The following TTI2 variants were observed in gnomAD, a reference collection of about 807,000 sequenced individuals.
TTI2 encodes the protein TELO2 interacting protein 2, also known as TELO2-interacting protein 2.
Under a neutral mutation model 44.9 loss-of-function variants are expected in TTI2, and 26 were observed. That is an observed-to-expected ratio of 0.58 (90% CI 0.42 to 0.80). TTI2 has a LOEUF of 0.80. Ranked by LOEUF, TTI2 falls within the 30% of genes least tolerant of loss-of-function variation. TTI2 has a pLI of 0.00. For synonymous variants in TTI2, 254 were observed against 250.9 expected, an observed-to-expected ratio of 1.01 and a Z score of -0.12; for missense variants, 582 against 611.6, an observed-to-expected ratio of 0.95 and a Z score of 0.51.
At chr8:33,504,029 T>C in intron 4 of TTI2, 94 bp from the exon 5 acceptor site, 1 of 1,295,452 alleles carries the variant, frequency 7.7e-7, no homozygotes, top group South Asian at 1.2e-5. Context: ...TCTACCGTCC[T>C]TAGGGTCCAT....
intron 2 of TTI2, 67 bp downstream of exon 2, chr8:33,511,900 A>C: frequency 6.6e-7 from 1 of 1,516,836 alleles, no homozygotes; most frequent in East Asian, 2.4e-5. Flanking sequence ...GAAAATAAAT[A>C]AATAATAAAA....
intron 2 of TTI2, among the ~76,000 whole-genome samples, chr8:33,510,444 T>C (rs1404942864): frequency 6.6e-6 from 1 of 152,150 alleles, no homozygotes; most frequent in East Asian, 1.9e-4. Context: ...TGGCACCATC[T>C]GGGTTCACTG....
intron 6 of TTI2, among the ~76,000 whole-genome samples, chr8:33,502,857 T>C (rs1296125810): frequency 6.8e-6 from 1 of 148,128 alleles, no homozygotes; most frequent in African/African-American, 2.5e-5. Flanking sequence ...AGGCTGGGCA[T>C]GGTGGCTCAC....
rs1809015030 is a variant in TTI2, at chr8:33,500,198, A to G, written c.1422+130T>C. 1.3e-5 allele frequency: 13 copies of G among 1,000,444 alleles called. No individual in the cohort carries two copies. In the South Asian group the frequency reaches 1.7e-4, roughly 13 times the overall value. The allele number at this position is 1,000,444 out of a possible 1,614,324, so 62.0% of individuals were successfully genotyped here. A position where few individuals can be genotyped will look rare whatever the true frequency, so the allele number is the denominator to read the frequency against. ...GCTCTTTTGAGGCTAGAGGGCTCAT[A>G]TGGAGATCTAAAACCCTCCATGTTC... On this transcript the variant is annotated intron_variant, in intron 7 of 7. Transcript: ENST00000431156.
At chr8:33,510,317 G>C (rs375001723) in intron 2 of TTI2, among the ~76,000 whole-genome samples, 13 of 152,116 alleles carry the variant, frequency 8.5e-5, no homozygotes, top group Non-Finnish European at 1.3e-4. Context: ...CCTGTTAATC[G>C]CTAATAAAGT....
intron 2 of TTI2, among the ~76,000 whole-genome samples, chr8:33,511,654 G>A (rs1351908388): frequency 6.6e-6 from 1 of 152,024 alleles, no homozygotes; most frequent in Non-Finnish European, 1.5e-5. Context: ...TTGGGAGCCC[G>A]AGGCGGGTGG....
intron 2 of TTI2, among the ~76,000 whole-genome samples, chr8:33,510,599 A>G (rs1809492233): frequency 6.6e-6 from 1 of 152,134 alleles, no homozygotes; most frequent in Admixed American, 6.6e-5. Flanking sequence ...CTGGTCCTGA[A>G]TTCCTGGCCT....
At chr8:33,502,395 A>G (rs987556592) in intron 6 of TTI2, among the ~76,000 whole-genome samples, 15 of 152,232 alleles carry the variant, frequency 9.9e-5, no homozygotes, top group African/African-American at 3.6e-4. Context: ...ATCTTCTAAT[A>G]TGCATTCTAA....
chr8:33,502,795 C>A (rs933014720), intron 6 of TTI2, among the ~76,000 whole-genome samples: 3 of 151,618 alleles, frequency 2.0e-5, no homozygotes, highest in African/African-American at 7.3e-5. Context: ...CATTGCACTC[C>A]GGCCTGGGTG....
In TTI2 at chr8:33,512,114, C is replaced by A. The variant is rs1809555232; in HGVS notation, c.500G>T (p.Arg167Ile). ...CACCTCCCTAGCAACTTCCCGAGAT[C>A]TCGGAGTGGTCCATGGTTGCTCCAA... is the stretch of plus-strand genomic sequence containing the variant. ...HSLEQPWTTP[R>I]SREVAREVLT... Residue 167 changes from arginine to isoleucine, a missense_variant, in exon 2 of 8, where the codon AGA becomes ATA. Transcript: ENST00000431156. 4 of 1,614,152 alleles carry A rather than the reference C, an allele frequency of 2.5e-6. No homozygotes were observed. The highest frequency in any genetic ancestry group is 3.4e-6 in the Non-Finnish European group (4 of 1,180,030).
Position 33,498,747 on chromosome 8 carries a change from A to G in TTI2, c.*426T>C. Reference sequence around the variant, plus strand: ...TCTTTTGTGTTGTACTGAACACAATATTTGTGTTTTTATTATTTATGCCAC... The same window carrying G: ...TCTTTTGTGTTGTACTGAACACAATGTTTGTGTTTTTATTATTTATGCCAC... On this transcript the variant is annotated 3_prime_UTR_variant, in exon 8 of 8. Coordinates refer to ENST00000431156, the MANE Select transcript of TTI2 (RefSeq NM_001102401.4). 2.3e-6 allele frequency: 2 copies of G among 857,856 alleles called. No individual in the cohort carries two copies. Among genetic ancestry groups the G allele is most frequent in the Admixed American group, 2.9e-5 (1 of 34,114 alleles). 53.1% of individuals were successfully genotyped at this position (857,856 alleles called of 1,614,324 possible). A position where few individuals can be genotyped will look rare whatever the true frequency, so the allele number is the denominator to read the frequency against.
Position 33,511,387 on chromosome 8 carries a change from A to C in TTI2, c.647+580T>G, listed in dbSNP as rs1585334448. On this transcript the variant is annotated intron_variant, in intron 2 of 7. Transcript: ENST00000431156. ...TCCAAGTAAGTGGGACAGAATTTCC[A>C]ATTTTCCTAGGCAGTCGTCCTAAGG... is the stretch of plus-strand genomic sequence containing the variant. 3.3e-5 allele frequency among the ~76,000 whole-genome samples: 5 copies of C among 152,116 alleles called. 1 individual carries two copies. The highest frequency in any genetic ancestry group is 3.3e-4 in the Admixed American group (5 of 15,242).
At chr8:33,500,564 T>C in intron 6 of TTI2, 74 bp from the exon 7 acceptor site, 4 of 1,559,502 alleles carry the variant, frequency 2.6e-6, no homozygotes, top group Non-Finnish European at 2.6e-6. Context: ...TCAAAGACTG[T>C]CAAGTGGAAA....
At chr8:33,504,461 T>G (rs1001265923) in intron 4 of TTI2, among the ~76,000 whole-genome samples, 3 of 151,790 alleles carry the variant, frequency 2.0e-5, no homozygotes, top group Non-Finnish European at 4.4e-5. Context: ...CACACTTGGC[T>G]AACTTTTCTA....
At position 33,504,289 on chromosome 8, in the gene TTI2, ATTTTTTTTT is replaced by A. The variant is rs1169577360; in HGVS notation, c.928-363_928-355del. Reference sequence around the variant, plus strand: ...ACTTAGTGATACATGATATTTACACATTTTTTTTTTTTTTTTTTTTTTTTTGTGAGACAG... The same window carrying A: ...ACTTAGTGATACATGATATTTACACATTTTTTTTTTTTTTTTGTGAGACAG... On this transcript the variant is annotated intron_variant, in intron 4 of 7. Coordinates refer to ENST00000431156, the MANE Select transcript of TTI2 (RefSeq NM_001102401.4). Among the ~76,000 whole-genome samples the A allele has an allele frequency of 3.0e-4, 22 of 72,994 alleles. No homozygotes were observed. The East Asian group carries it at 3.5e-3, about 12-fold the overall frequency. 47.9% of individuals were successfully genotyped at this position (72,994 alleles called of 152,430 possible).
At position 33,503,542 on chromosome 8, in the gene TTI2, CTT is replaced by C. The variant is rs1344917290; in HGVS notation, c.1144_1145del (p.Lys382GlufsTer14). 1 of 1,614,072 alleles carries C rather than the reference CTT, an allele frequency of 6.2e-7. No individual in the cohort carries two copies. The highest frequency in any genetic ancestry group is 8.5e-7 in the Non-Finnish European group (1 of 1,180,032). On this transcript the variant is annotated frameshift_variant, in exon 6 of 8. Coordinates refer to ENST00000431156, the MANE Select transcript of TTI2 (RefSeq NM_001102401.4). LOFTEE classifies it high-confidence loss of function. Reference protein sequence around the residue: ...RLGILTVRHLKRLERVIIGYL... With the variant: ...RLGILTVRHLXRLERVIIGYL... ...AACCAATGATGACTCTCTCCAGCCT[CTT>C]TAAGTGCCGGACAGTTAGGATCCCC...
At chr8:33,512,819 G>A in intron 1 of TTI2, 107 bp from the exon 2 acceptor site, 1 of 489,830 alleles carries the variant, frequency 2.0e-6, no homozygotes, top group East Asian at 3.7e-5. Flanking sequence ...AGTTTGCAGT[G>A]AGCCGAGATC....
At position 33,512,482 on chromosome 8, in the gene TTI2, TCG is replaced by T. The variant is rs563450224; in HGVS notation, c.130_131del (p.Gly45GlnfsTer8). ...LHCLARPEAR[R>X]GNVKDAVLKD... Reference sequence around the variant, plus strand: ...TAAGAACTGCATCTTTTACATTGCCTCGTCGTGCCTCCGGGCGGGCAAGACAG... The same window carrying T: ...TAAGAACTGCATCTTTTACATTGCCTTCGTGCCTCCGGGCGGGCAAGACAG... On this transcript the variant is annotated frameshift_variant, in exon 2 of 8. Transcript: ENST00000431156. LOFTEE classifies it high-confidence loss of function. 357 of 1,614,078 alleles carry T rather than the reference TCG, an allele frequency of 2.2e-4. 2 individuals carry two copies. In the African/African-American group the frequency reaches 4.4e-3, roughly 20 times the overall value.
chr8:33,503,968 T>C (rs1051636483), intron 4 of TTI2, 33 bp from the exon 5 acceptor site: 20 of 1,608,862 alleles, frequency 1.2e-5, no homozygotes, highest in Middle Eastern at 3.6e-4. Flanking sequence ...CGGTGCATAG[T>C]TCATCCATTT....
Sources: gnomAD v4.1 joint callset for allele counts (sites outside exome capture counted in the v4.1 genomes callset) on GRCh38, gnomAD v4.1.1 for gene constraint, MANE v1.5 for transcripts, NCBI Gene and HGNC (gene_info 2026-07-23, HGNC 2026-07-21) for gene names.